The following HAGH variants were observed in gnomAD, a reference collection of about 807,000 sequenced individuals.
HAGH encodes the protein hydroxyacylglutathione hydrolase.
A neutral mutation model predicts 35.1 loss-of-function variants in HAGH; 29 were observed. That is an observed-to-expected ratio of 0.83 (90% CI 0.62 to 1.13). The LOEUF (loss-of-function observed/expected upper bound fraction) is 1.13, where lower values mean the gene tolerates loss of function less well. Among genes scored for constraint, HAGH ranks in the 50% most tolerant of loss-of-function variants. The pLI, the probability that HAGH is intolerant of heterozygous loss-of-function variation, is 0.00. For synonymous variants in HAGH, 225 were observed against 176.1 expected (o/e 1.28, Z -2.20); for missense variants, 478 against 419.6 (o/e 1.14, Z -1.22).
intron 1 of HAGH, among the ~76,000 whole-genome samples, chr16:1,826,089 C>T (rs754827498): frequency 9.2e-5 from 14 of 152,234 alleles, no homozygotes; most frequent in Non-Finnish European, 1.8e-4. Flanking sequence ...GACATTCTAC[C>T]CCCTGCAGAG....
chr16:1,817,177 G>T lies in HAGH; in HGVS notation c.636C>A (p.Pro212=), dbSNP rs200712819. The T allele has an allele frequency of 2.1e-5, 34 of 1,606,588 alleles. No homozygotes were observed. Among genetic ancestry groups the T allele is most frequent in the Middle Eastern group, 3.3e-4 (2 of 6,068 alleles). ...GGGAGGCGCTGCCTACTGTGTCCGG[G>T]GGGAGCCGGCCCAAGACCTCCAGCA... ...KALLEVLGRL[P]PDTRVYCGHE... Residue 212 remains proline, a synonymous_variant, in exon 6 of 9, where the codon CCC becomes CCA. Transcript: ENST00000397356.
intron 1 of HAGH, chr16:1,826,447 G>A: frequency 1.7e-6 from 1 of 574,682 alleles, no homozygotes; most frequent in Non-Finnish European, 2.2e-6. Context: ...GGCGTCAGGG[G>A]CGCGGCCGGC....
intron 4 of HAGH, chr16:1,819,688 C>T: frequency 1.7e-6 from 1 of 604,116 alleles, no homozygotes; most frequent in Non-Finnish European, 3.0e-6. Context: ...GGTCTCAGAG[C>T]CCTGCTTCAC....
rs1294464482 is a variant in HAGH at position 1,819,238 on chromosome 16, G to C, written c.433-15C>G. 6.5e-7 allele frequency: 1 copy of C among 1,540,034 alleles called. No homozygotes were observed. Among genetic ancestry groups the C allele is most frequent in the Non-Finnish European group, 8.9e-7 (1 of 1,118,098 alleles). On this transcript the variant is annotated splice_polypyrimidine_tract_variant and intron_variant, in intron 4 of 8. Coordinates refer to ENST00000397356, the MANE Select transcript of HAGH (RefSeq NM_005326.6). ...AGAGACCCCACCTTCAACAAAGCAG[G>C]CGACCGCGTGTGCTCCCAGACACCC...
intron 4 of HAGH, among the ~76,000 whole-genome samples, chr16:1,819,669 G>A (rs544317829): frequency 2.6e-5 from 4 of 152,252 alleles, no homozygotes; most frequent in Non-Finnish European, 5.9e-5. Flanking sequence ...CACATGGCCC[G>A]CTCCCCAGGG....
rs770462684 is a variant in HAGH at position 1,820,004 on chromosome 16, C to A, written c.325G>T (p.Gly109Cys). 6.2e-7 allele frequency: 1 copy of A among 1,610,390 alleles called. No individual in the cohort carries two copies. The highest frequency in any genetic ancestry group is 8.5e-7 in the Non-Finnish European group (1 of 1,177,708). ...AGCTTGACCAGTTTCTCATTCCCGC[C>A]AGCATGGTCCCTAGAAGTCAAACAG... is the stretch of plus-strand genomic sequence containing the variant. ...LTTHHHWDHA[G>C]GNEKLVKLES... Residue 109 changes from glycine to cysteine, a missense_variant, in exon 4 of 9, where the codon GGC (glycine) becomes TGC (cysteine). Gly to Cys is a radical substitution (Grantham distance 159). Transcript: ENST00000397356.
Position 1,808,997 on chromosome 16 carries a change from C to T in HAGH, c.*286G>A. 2 of 434,002 alleles carry T rather than the reference C, an allele frequency of 4.6e-6. No homozygotes were observed. Among genetic ancestry groups the T allele is most frequent in the South Asian group, 7.6e-5 (2 of 26,224 alleles). The allele number at this position is 434,002 out of a possible 1,614,324, so 26.9% of individuals were successfully genotyped here. ...AGCAAAGGCACCGGCTCACGCCTGA[C>T]CTGAAGCGTGGGTGGGGGGACTGCA... On this transcript the variant is annotated 3_prime_UTR_variant, in exon 9 of 9. Coordinates refer to ENST00000397356, the MANE Select transcript of HAGH (RefSeq NM_005326.6).
chr16:1,822,668 T>C (rs1280674899), intron 2 of HAGH, among the ~76,000 whole-genome samples, 197 bp downstream of exon 2: 2 of 152,200 alleles, frequency 1.3e-5, no homozygotes, highest in African/African-American at 2.4e-5. Context: ...GTGCCCAGGA[T>C]TGTACTGCAC....
rs1054103429 is a variant in HAGH at position 1,808,713 on chromosome 16, C to T, written c.*570G>A. The T allele has an allele frequency of 2.6e-5, 4 of 152,560 alleles. No individual in the cohort carries two copies. The highest frequency in any genetic ancestry group is 9.6e-5 in the African/African-American group (4 of 41,456). 9.5% of individuals were successfully genotyped at this position (152,560 alleles called of 1,614,324 possible). Reference sequence around the variant, plus strand: ...GACATGTGGCCACCTACCCAGCCCTCCCGGGGTCACAGGCCGAGAGCACTC... The same window carrying T: ...GACATGTGGCCACCTACCCAGCCCTTCCGGGGTCACAGGCCGAGAGCACTC... On this transcript the variant is annotated 3_prime_UTR_variant, in exon 9 of 9. Transcript: ENST00000397356.
intron 8 of HAGH, 121 bp from the exon 9 acceptor site, chr16:1,809,503 C>G: frequency 5.1e-6 from 4 of 783,222 alleles, no homozygotes; most frequent in Admixed American, 2.4e-5. Flanking sequence ...ACACGGAGGG[C>G]GGGGAGGCGG....
At chr16:1,814,930 T>TACACAC (rs4027423) in intron 7 of HAGH, among the ~76,000 whole-genome samples, 4,033 of 140,684 alleles carry the variant, frequency 0.029, 57 homozygotes, top group Non-Finnish European at 0.035. Flanking sequence ...TATATGTATA[T>TACACAC]ACACACACAC....
intron 7 of HAGH, chr16:1,810,147 G>A (rs1476377479): frequency 2.3e-5 from 6 of 265,862 alleles, no homozygotes; most frequent in Non-Finnish European, 3.4e-5. Context: ...GGGTGACAGC[G>A]ACATCACGTC....
intron 7 of HAGH, among the ~76,000 whole-genome samples, chr16:1,811,796 C>T (rs183826616): frequency 5.9e-4 from 90 of 152,302 alleles, no homozygotes; most frequent in African/African-American, 1.9e-3. Context: ...TTCTGGACTC[C>T]AGGGTGCAAA....
At chr16:1,813,268 C>T (rs1021205778) in intron 7 of HAGH, among the ~76,000 whole-genome samples, 15 of 152,160 alleles carry the variant, frequency 9.9e-5, no homozygotes, top group African/African-American at 3.6e-4. Context: ...TGCTTCACAC[C>T]CACCAGCTCC....
intron 1 of HAGH, among the ~76,000 whole-genome samples, chr16:1,825,881 C>A (rs1231413377): frequency 1.3e-5 from 2 of 152,174 alleles, no homozygotes; most frequent in African/African-American, 4.8e-5. Context: ...TTTTTTAAAT[C>A]AGGAAGTTTC....
chr16:1,814,749 T>A (rs1897811896), intron 7 of HAGH, among the ~76,000 whole-genome samples: 1 of 151,520 alleles, frequency 6.6e-6, no homozygotes. Context: ...ATACAAAAAA[T>A]TAGCTGGGCG....
chr16:1,820,768 A>C (rs1238913492), intron 3 of HAGH, among the ~76,000 whole-genome samples: 1 of 152,114 alleles, frequency 6.6e-6, no homozygotes, highest in East Asian at 1.9e-4. Context: ...ACTGGGCCCC[A>C]AGATAACAGG....
intron 7 of HAGH, among the ~76,000 whole-genome samples, chr16:1,814,132 G>C (rs1020582107): frequency 3.3e-5 from 5 of 152,184 alleles, no homozygotes; most frequent in Non-Finnish European, 7.3e-5. Context: ...GTCTTTGTGA[G>C]CTAAGGGTAT....
At chr16:1,820,241 C>A (rs1003225941) in intron 3 of HAGH, among the ~76,000 whole-genome samples, 1 of 151,972 alleles carries the variant, frequency 6.6e-6, no homozygotes, top group Non-Finnish European at 1.5e-5. Flanking sequence ...ACCACCTGCA[C>A]GTCTTTACAA....
Sources: gnomAD v4.1 joint callset for allele counts (sites outside exome capture counted in the v4.1 genomes callset) on GRCh38, gnomAD v4.1.1 for gene constraint, MANE v1.5 for transcripts, NCBI Gene and HGNC (gene_info 2026-07-23, HGNC 2026-07-21) for gene names.